The following GRID2 variants were observed in gnomAD, a reference collection of about 807,000 sequenced individuals.
GRID2 encodes glutamate receptor ionotropic, delta-2.
Under a neutral mutation model 114.8 loss-of-function variants are expected in GRID2, and 33 were observed. The ratio of observed to expected loss-of-function variants is 0.29; its 90% CI spans 0.22 to 0.38. GRID2 has a LOEUF of 0.38. Ranked by LOEUF, GRID2 falls within the 10% of genes least tolerant of loss-of-function variation. The pLI is 1.00. For missense variants in GRID2, 1,184 were observed against 1,257.7 expected, an observed-to-expected ratio of 0.94 and a Z score of 0.89; for synonymous variants, 505 against 449.9, an observed-to-expected ratio of 1.12 and a Z score of -1.55.
At chr4:92,642,099 A>G (rs528175949) in intron 2 of GRID2, among the ~76,000 whole-genome samples, 2 of 151,702 alleles carry the variant, frequency 1.3e-5, no homozygotes, top group African/African-American at 2.4e-5. Flanking sequence ...TGCTATGGCA[A>G]TGAACATTTG....
chr4:92,484,580 A>G (rs1183902367), intron 1 of GRID2, among the ~76,000 whole-genome samples: 1 of 152,124 alleles, frequency 6.6e-6, no homozygotes, highest in Non-Finnish European at 1.5e-5. Context: ...ATGCAAAGCC[A>G]ACATAATTTT....
chr4:93,373,611 A>C (rs537734038), intron 8 of GRID2, among the ~76,000 whole-genome samples: 7 of 152,304 alleles, frequency 4.6e-5, no homozygotes, highest in Admixed American at 4.6e-4. Context: ...ACTGAAATAG[A>C]GAGTATGAAT....
intron 1 of GRID2, among the ~76,000 whole-genome samples, chr4:92,475,825 T>C (rs1373055522): frequency 1.3e-5 from 2 of 152,082 alleles, no homozygotes; most frequent in Admixed American, 6.6e-5. Context: ...CATTTATTTG[T>C]AGCTTCAACT....
rs1008311457 is a variant in GRID2, at chr4:93,128,027, C to CAAAAAAAAAAAA, written c.735+17095_735+17106dup. Reference sequence around the variant, plus strand: ...CAGAGTAAGACCTTGTCCCCCGCAACAAAAAAAAAAAAAAAAAAAAAAAAA... The same window carrying CAAAAAAAAAAAA: ...CAGAGTAAGACCTTGTCCCCCGCAACAAAAAAAAAAAAAAAAAAAAAAAAAAAAAAAAAAAAA... On this transcript the variant is annotated intron_variant, in intron 4 of 15. Transcript: ENST00000282020. Among the ~76,000 whole-genome samples the CAAAAAAAAAAAA allele has an allele frequency of 2.4e-3, 48 of 20,318 alleles. 8 individuals carry two copies. The highest frequency in any genetic ancestry group is 7.4e-3 in the African/African-American group (44 of 5,942). The allele number at this position is 20,318 out of a possible 152,430, so 13.3% of individuals were successfully genotyped here.
chr4:93,417,620 TC>T (rs1029135425), intron 9 of GRID2, among the ~76,000 whole-genome samples: 2 of 152,004 alleles, frequency 1.3e-5, no homozygotes, highest in African/African-American at 2.4e-5. Flanking sequence ...TCCTCTATTT[TC>T]TTTAGATTGT....
At chr4:93,321,737 T>A (rs554597557) in intron 8 of GRID2, among the ~76,000 whole-genome samples, 3 of 151,964 alleles carry the variant, frequency 2.0e-5, no homozygotes, top group Non-Finnish European at 2.9e-5. Flanking sequence ...ATTCTAAATA[T>A]CTTTCAGATG....
intron 2 of GRID2, among the ~76,000 whole-genome samples, chr4:92,651,385 T>C (rs1344449924): frequency 2.0e-5 from 3 of 152,014 alleles, no homozygotes; most frequent in Non-Finnish European, 4.4e-5. Flanking sequence ...GTGTTGCTCA[T>C]ACCATGCCTA....
intron 8 of GRID2, among the ~76,000 whole-genome samples, chr4:93,334,583 C>G (rs1758836562): frequency 6.6e-6 from 1 of 152,180 alleles, no homozygotes; most frequent in Non-Finnish European, 1.5e-5. Flanking sequence ...ATAATGCTAA[C>G]ATGTAATAGC....
intron 13 of GRID2, among the ~76,000 whole-genome samples, chr4:93,561,945 T>C (rs1734964045): frequency 6.6e-6 from 1 of 152,160 alleles, no homozygotes; most frequent in South Asian, 2.1e-4. Context: ...TACATCTTGG[T>C]TGCTTCCAAG....
At chr4:93,541,534 TG>T (rs1183747406) in intron 13 of GRID2, among the ~76,000 whole-genome samples, 1 of 152,152 alleles carries the variant, frequency 6.6e-6, no homozygotes. Context: ...CTCTCTATCT[TG>T]GTTCCACTTA....
chr4:93,442,771 T>G (rs1721741006), intron 10 of GRID2, among the ~76,000 whole-genome samples: 1 of 152,036 alleles, frequency 6.6e-6, no homozygotes, highest in Non-Finnish European at 1.5e-5. Flanking sequence ...AACCCAGACC[T>G]CTCACCTGAA....
chr4:93,322,745 G>C (rs1187202659), intron 8 of GRID2, among the ~76,000 whole-genome samples: 1 of 152,174 alleles, frequency 6.6e-6, no homozygotes, highest in Non-Finnish European at 1.5e-5. Flanking sequence ...ATTCTAACTG[G>C]TGTGAGATGG....
chr4:93,225,799 C>T (rs1219236334), intron 7 of GRID2, among the ~76,000 whole-genome samples: 1 of 152,016 alleles, frequency 6.6e-6, no homozygotes, highest in Non-Finnish European at 1.5e-5. Context: ...AACTGATTAC[C>T]ACAAATTGGG....
intron 2 of GRID2, among the ~76,000 whole-genome samples, chr4:92,809,652 C>T (rs1354671903): frequency 1.3e-5 from 2 of 151,912 alleles, no homozygotes; most frequent in Non-Finnish European, 2.9e-5. Flanking sequence ...GAATAATCTC[C>T]TTCTTGATCT....
intron 2 of GRID2, among the ~76,000 whole-genome samples, chr4:92,768,678 C>T (rs768500173): frequency 6.6e-6 from 1 of 152,066 alleles, no homozygotes; most frequent in Non-Finnish European, 1.5e-5. Flanking sequence ...AGTTGGAAAG[C>T]AAGGAGGAGC....
intron 14 of GRID2, among the ~76,000 whole-genome samples, chr4:93,740,851 C>T (rs1349811115): frequency 6.6e-6 from 1 of 151,052 alleles, no homozygotes; most frequent in Non-Finnish European, 1.5e-5. Context: ...GCCTGAATTC[C>T]AGTCTTGGTT....
chr4:93,078,260 C>G (rs904466035), intron 2 of GRID2, among the ~76,000 whole-genome samples: 3 of 152,146 alleles, frequency 2.0e-5, no homozygotes, highest in Non-Finnish European at 4.4e-5. Context: ...CTTCAAATTG[C>G]AGCTCTATAG....
intron 2 of GRID2, among the ~76,000 whole-genome samples, chr4:92,765,470 A>C (rs545904473): frequency 6.6e-6 from 1 of 152,256 alleles, no homozygotes; most frequent in South Asian, 2.1e-4. Context: ...TGTTGCTGCT[A>C]TTCAATGAAG....
At chr4:93,646,167 A>G (rs147214090) in intron 14 of GRID2, among the ~76,000 whole-genome samples, 1 of 152,354 alleles carries the variant, frequency 6.6e-6, no homozygotes, top group East Asian at 1.9e-4. Context: ...CACAGACAAT[A>G]AATAAGAAAA....
Sources: allele counts gnomAD v4.1 joint callset (sites outside exome capture counted in the v4.1 genomes callset), GRCh38; gene constraint gnomAD v4.1.1; transcripts MANE v1.5; gene names NCBI Gene and HGNC (gene_info 2026-07-23, HGNC 2026-07-21).